ABCC1: variants seen among roughly 807,000 people sequenced by gnomAD.
ABCC1 encodes multidrug resistance-associated protein 1.
Under a neutral mutation model 172.9 loss-of-function variants are expected in ABCC1, and 83 were observed. The ratio of observed to expected loss-of-function variants is 0.48; its 90% CI spans 0.40 to 0.58. ABCC1 has a LOEUF of 0.58. ABCC1 is among the 20% of genes least tolerant of loss of function. The pLI is 0.00. For synonymous variants in ABCC1, 937 were observed against 825.2 expected, an observed-to-expected ratio of 1.14 and a Z score of -2.32; for missense variants, 1,817 against 2,002.7, an observed-to-expected ratio of 0.91 and a Z score of 1.77.
At chr16:15,979,171 G>A (rs2046561068) in intron 1 of ABCC1, among the ~76,000 whole-genome samples, 1 of 151,842 alleles carries the variant, frequency 6.6e-6, no homozygotes, top group African/African-American at 2.4e-5. Flanking sequence ...TGTGCCTGTA[G>A]TCCCAGCTAC....
At chr16:16,023,697 G>C (rs1016475819) in intron 5 of ABCC1, among the ~76,000 whole-genome samples, 1 of 152,152 alleles carries the variant, frequency 6.6e-6, no homozygotes, top group Non-Finnish European at 1.5e-5. Context: ...TCTGAGGGAG[G>C]GAAGTGCTGG....
At chr16:15,970,219 C>T (rs1041684242) in intron 1 of ABCC1, among the ~76,000 whole-genome samples, 2 of 152,274 alleles carry the variant, frequency 1.3e-5, no homozygotes, top group East Asian at 3.9e-4. Context: ...GGTCCCAGGC[C>T]CCTCCCATCT....
At chr16:16,032,298 G>C (rs1426979061) in intron 5 of ABCC1, among the ~76,000 whole-genome samples, 1 of 152,150 alleles carries the variant, frequency 6.6e-6, no homozygotes, top group Non-Finnish European at 1.5e-5. Flanking sequence ...AAACAGGGAT[G>C]ATATAATACT....
At chr16:15,967,468 G>T (rs2151521349) in intron 1 of ABCC1, among the ~76,000 whole-genome samples, 1 of 151,868 alleles carries the variant, frequency 6.6e-6, no homozygotes, top group East Asian at 1.9e-4. Flanking sequence ...ACTTGGACTG[G>T]GCACTGTTGC....
chr16:16,104,229 T>TG (rs2051948939), intron 20 of ABCC1, among the ~76,000 whole-genome samples: 1 of 152,140 alleles, frequency 6.6e-6, no homozygotes, highest in Non-Finnish European at 1.5e-5. Flanking sequence ...CCCCAGTAGG[T>TG]GGCCACTGCT....
intron 22 of ABCC1, among the ~76,000 whole-genome samples, chr16:16,111,841 C>T (rs2052401990): frequency 6.6e-6 from 1 of 152,124 alleles, no homozygotes; most frequent in Non-Finnish European, 1.5e-5. Context: ...CAGTTGAGAA[C>T]AGAGGCCTCT....
intron 23 of ABCC1, among the ~76,000 whole-genome samples, chr16:16,119,444 A>T (rs2045054014): frequency 6.6e-6 from 1 of 152,098 alleles, no homozygotes; most frequent in Non-Finnish European, 1.5e-5. Flanking sequence ...TCTGAAAAAA[A>T]CATCAGATCG....
At chr16:16,114,443 C>G (rs2044755105) in intron 22 of ABCC1, among the ~76,000 whole-genome samples, 1 of 151,934 alleles carries the variant, frequency 6.6e-6, no homozygotes, top group African/African-American at 2.4e-5. Flanking sequence ...CGGATTCAAG[C>G]AATTCCCTTG....
In ABCC1 at chr16:16,054,120, G is replaced by A. The variant is rs144942433; in HGVS notation, c.1473+1304G>A. Among the ~76,000 whole-genome samples, 737 of 151,996 alleles carry A rather than the reference G, an allele frequency of 4.8e-3. 8 individuals carry two copies. The highest frequency in any genetic ancestry group is 0.017 in the African/African-American group (693 of 41,452). On this transcript the variant is annotated intron_variant, in intron 11 of 30. Coordinates refer to ENST00000399410, the MANE Select transcript of ABCC1 (RefSeq NM_004996.4). ...CTCCCGAGCAGCTGGGATTACAGGT[G>A]CCCACCACCACACCCAGCTAATCTT...
intron 5 of ABCC1, among the ~76,000 whole-genome samples, chr16:16,027,454 G>A (rs1460228553): frequency 6.6e-6 from 1 of 152,104 alleles, no homozygotes; most frequent in East Asian, 1.9e-4. Context: ...GTGGTGTATT[G>A]TGAACCCACT....
In ABCC1 at chr16:16,131,781, G is replaced by A. The variant is rs377687642; in HGVS notation, c.3820-8G>A. 74 of 1,612,732 alleles carry A rather than the reference G, an allele frequency of 4.6e-5. No homozygotes were observed. The highest frequency in any genetic ancestry group is 6.1e-5 in the Non-Finnish European group (72 of 1,179,500). On this transcript the variant is annotated splice_polypyrimidine_tract_variant and splice_region_variant and intron_variant, in intron 26 of 30. Coordinates refer to ENST00000399410, the MANE Select transcript of ABCC1 (RefSeq NM_004996.4). ...ATTCCTTACTCTCTCCCTTCACTGCGATCGAAGGCGCCCTGGCAAATCCAG... is the reference window on the plus strand; with the variant it reads ...ATTCCTTACTCTCTCCCTTCACTGCAATCGAAGGCGCCCTGGCAAATCCAG...
intron 8 of ABCC1, 87 bp downstream of exon 8, chr16:16,044,767 G>GA: frequency 7.8e-7 from 1 of 1,287,494 alleles, no homozygotes; most frequent in Non-Finnish European, 1.1e-6. Context: ...CTGGGGTCAT[G>GA]CTGTGTCCTG....
intron 24 of ABCC1, 81 bp downstream of exon 24, chr16:16,122,255 C>T: frequency 2.7e-6 from 4 of 1,504,026 alleles, no homozygotes; most frequent in Non-Finnish European, 3.7e-6. Flanking sequence ...TTTCCTCGCA[C>T]CTTGAGCTGG....
chr16:16,102,802 C>A (rs1307366698), intron 20 of ABCC1, 85 bp downstream of exon 20: 2 of 1,299,466 alleles, frequency 1.5e-6, no homozygotes, highest in Admixed American at 2.3e-5. Context: ...AGGCCTCAGC[C>A]CCCTGAGGTC....
At chr16:16,012,764 C>A (rs928899238) in intron 3 of ABCC1, among the ~76,000 whole-genome samples, 2 of 150,988 alleles carry the variant, frequency 1.3e-5, no homozygotes, top group African/African-American at 4.9e-5. Context: ...CTCACTGCAA[C>A]CTCTGCCTCC....
chr16:16,086,599 G>A (rs924364304), intron 17 of ABCC1, among the ~76,000 whole-genome samples: 1 of 151,986 alleles, frequency 6.6e-6, no homozygotes, highest in Admixed American at 6.5e-5. Flanking sequence ...AACTACAGGC[G>A]CACATCAGCA....
chr16:16,065,497 A>G (rs911945544), intron 12 of ABCC1, among the ~76,000 whole-genome samples: 5 of 152,044 alleles, frequency 3.3e-5, no homozygotes, highest in Admixed American at 1.3e-4. Flanking sequence ...CAGTGGTGCA[A>G]TCTTGGCTCA....
chr16:16,099,527 A>T (rs957459759), intron 19 of ABCC1, among the ~76,000 whole-genome samples: 2 of 152,190 alleles, frequency 1.3e-5, no homozygotes, highest in African/African-American at 4.8e-5. Flanking sequence ...TCCTGGAAGG[A>T]TACCAGGTAA....
intron 24 of ABCC1, among the ~76,000 whole-genome samples, chr16:16,124,424 T>A (rs902711236): frequency 6.6e-6 from 1 of 150,830 alleles, no homozygotes; most frequent in East Asian, 1.9e-4. Flanking sequence ...TGTGTGTGTG[T>A]GATTATAGGA....
Sources: allele counts gnomAD v4.1 joint callset (sites outside exome capture counted in the v4.1 genomes callset), GRCh38; gene constraint gnomAD v4.1.1; transcripts MANE v1.5; gene names NCBI Gene and HGNC (gene_info 2026-07-23, HGNC 2026-07-21).